Variants in EDA observed in about 807,000 individuals in gnomAD.
EDA encodes the protein ectodysplasin A.
A neutral mutation model predicts 23.6 loss-of-function variants in EDA; 2 were observed. That is an observed-to-expected ratio of 0.08 (90% CI 0.03 to 0.27). The LOEUF (loss-of-function observed/expected upper bound fraction) is 0.27. Among genes scored for constraint, EDA ranks in the 10% least tolerant of loss-of-function variants. The pLI is 1.00. For missense variants in EDA, 229 were observed against 324.2 expected (o/e 0.71, Z 2.26); for synonymous variants, 131 against 132.0 (o/e 0.99, Z 0.05).
chrX:69,787,857 A>C (rs908510687), intron 1 of EDA, among the ~76,000 whole-genome samples: 1 of 111,296 alleles, frequency 9.0e-6, no homozygotes, highest in Non-Finnish European at 1.9e-5. Context: ...AGATTGGGGA[A>C]GTTCTCCTGG....
chrX:69,860,387 G>A (rs752156799), intron 1 of EDA, among the ~76,000 whole-genome samples: 1 of 111,599 alleles, frequency 9.0e-6, no homozygotes, highest in Non-Finnish European at 1.9e-5. Context: ...TCCATATTTA[G>A]TGCTCCCTTC....
chrX:69,758,620 G>A (rs1196101417), intron 1 of EDA, among the ~76,000 whole-genome samples: 2 of 112,126 alleles, frequency 1.8e-5, no homozygotes, highest in African/African-American at 6.5e-5. Flanking sequence ...GATCACCTGA[G>A]GTCAGGAGTT....
At chrX:69,716,109 C>T (rs1209521244) in intron 1 of EDA, among the ~76,000 whole-genome samples, 7 of 111,746 alleles carry the variant, frequency 6.3e-5, no homozygotes, top group African/African-American at 1.3e-4. Flanking sequence ...TTGTTGCAAT[C>T]GCTTTTGGCA....
At chrX:69,726,121 C>T (rs1480423755) in intron 1 of EDA, among the ~76,000 whole-genome samples, 1 of 112,089 alleles carries the variant, frequency 8.9e-6, no homozygotes, top group African/African-American at 3.2e-5. Context: ...AAGGAAAGTA[C>T]AGTGAGTTTA....
At position 70,038,527 on chromosome X, in the gene EDA, G is replaced by A. The variant is rs189249123; in HGVS notation, c.*2918G>A. The A allele has an allele frequency of 9.0e-6, 1 of 110,883 alleles. No individual in the cohort carries two copies. Among genetic ancestry groups the A allele is most frequent in the African/African-American group, 3.3e-5 (1 of 30,427 alleles). 9.1% of individuals were successfully genotyped at this position (110,883 alleles called of 1,213,427 possible). A position where few individuals can be genotyped will look rare whatever the true frequency, so the allele number is the denominator to read the frequency against. ...GGTTTGAAGGAGAATGGCATGGCAG[G>A]AGTCTCTGCCAGTTACTTGGGCTTC... On this transcript the variant is annotated 3_prime_UTR_variant, in exon 8 of 8. Transcript: ENST00000374552.
At chrX:70,007,466 C>T (rs2019817703) in intron 2 of EDA, among the ~76,000 whole-genome samples, 1 of 111,432 alleles carries the variant, frequency 9.0e-6, no homozygotes, top group Non-Finnish European at 1.9e-5. Flanking sequence ...GGGCTTTTTC[C>T]CCTTTGCTCG....
At chrX:69,927,887 A>G (rs1446440094) in intron 1 of EDA, among the ~76,000 whole-genome samples, 1 of 110,795 alleles carries the variant, frequency 9.0e-6, no homozygotes, top group East Asian at 2.8e-4. Context: ...TACCCATTCT[A>G]TATGCCATTA....
chrX:69,724,929 G>T (rs983262851), intron 1 of EDA, among the ~76,000 whole-genome samples: 2 of 112,073 alleles, frequency 1.8e-5, no homozygotes, highest in Non-Finnish European at 3.8e-5. Flanking sequence ...GATGTTCAAC[G>T]TTTCAATTCT....
At chrX:69,893,966 T>A (rs779463830) in intron 1 of EDA, among the ~76,000 whole-genome samples, 31 of 112,165 alleles carry the variant, frequency 2.8e-4, no homozygotes, top group Admixed American at 9.5e-4. Context: ...GCAGAATTAT[T>A]CTGAATGTGG....
At chrX:69,715,050 ATTCCT>A (rs771680322) in intron 1 of EDA, among the ~76,000 whole-genome samples, 1 of 95,900 alleles carries the variant, frequency 1.0e-5, no homozygotes, top group East Asian at 3.6e-4. Flanking sequence ...TCTTTTAAAA[ATTCCT>A]TTCAACCCAT....
At chrX:69,793,013 T>A (rs1412680694) in intron 1 of EDA, among the ~76,000 whole-genome samples, 2 of 112,420 alleles carry the variant, frequency 1.8e-5, no homozygotes, top group Non-Finnish European at 3.8e-5. Context: ...GCATTTGCTT[T>A]TGTAGTCTTA....
At position 69,966,710 on chromosome X, in the gene EDA, A is replaced by G. The variant is rs1357768866; in HGVS notation, c.502+9578A>G. On this transcript the variant is annotated intron_variant, in intron 2 of 7. Transcript: ENST00000374552. ...AGAAAATGGTAAAATAAACTACGAC[A>G]TAGACATACTATTGAATATTATGTA... is the stretch of plus-strand genomic sequence containing the variant. Among the ~76,000 whole-genome samples the G allele has an allele frequency of 5.4e-5, 6 of 110,399 alleles. No individual in the cohort carries two copies. In the South Asian group the frequency reaches 1.9e-3, roughly 35 times the overall value.
At chrX:69,849,803 T>G (rs1194629329) in intron 1 of EDA, among the ~76,000 whole-genome samples, 1 of 111,643 alleles carries the variant, frequency 9.0e-6, no homozygotes, top group African/African-American at 3.3e-5. Context: ...AAATGAAGAA[T>G]TTAAGTAGTT....
At chrX:70,019,029 A>G (rs1487885722) in intron 2 of EDA, among the ~76,000 whole-genome samples, 1 of 112,268 alleles carries the variant, frequency 8.9e-6, no homozygotes, top group Non-Finnish European at 1.9e-5. Context: ...AAGAGTGGGC[A>G]AAGGACATAA....
intron 2 of EDA, among the ~76,000 whole-genome samples, chrX:70,007,546 A>G (rs977603955): frequency 9.0e-6 from 1 of 111,495 alleles, no homozygotes; most frequent in African/African-American, 3.3e-5. Flanking sequence ...AAGTTTCCTG[A>G]GGCCTCCCCA....
At chrX:69,632,673 C>T (rs1413886841) in intron 1 of EDA, among the ~76,000 whole-genome samples, 1 of 112,087 alleles carries the variant, frequency 8.9e-6, no homozygotes, top group Non-Finnish European at 1.9e-5. Context: ...TGAAAACAAT[C>T]AAGACTATCT....
At chrX:69,911,358 C>G (rs940068983) in intron 1 of EDA, among the ~76,000 whole-genome samples, 2 of 111,779 alleles carry the variant, frequency 1.8e-5, no homozygotes, top group Non-Finnish European at 3.8e-5. Flanking sequence ...ACTCTGTCCT[C>G]CAGTTCTTTA....
chrX:69,849,648 A>G (rs2017084767), intron 1 of EDA, among the ~76,000 whole-genome samples: 1 of 112,038 alleles, frequency 8.9e-6, no homozygotes, highest in African/African-American at 3.2e-5. Flanking sequence ...CTTAACGTAT[A>G]CATTGTCTGG....
At chrX:69,703,367 G>A (rs1253048828) in intron 1 of EDA, among the ~76,000 whole-genome samples, 1 of 111,976 alleles carries the variant, frequency 8.9e-6, no homozygotes, top group Admixed American at 9.5e-5. Flanking sequence ...TCCGGCTGCT[G>A]TGGCCTGCTC....
Sources: gnomAD v4.1 joint callset for allele counts (sites outside exome capture counted in the v4.1 genomes callset) on GRCh38, gnomAD v4.1.1 for gene constraint, MANE v1.5 for transcripts, NCBI Gene and HGNC (gene_info 2026-07-23, HGNC 2026-07-21) for gene names.